WSB1: variants seen among roughly 807,000 people sequenced by gnomAD.
The protein encoded by WSB1 is WD repeat and SOCS box-containing protein 1.
A neutral mutation model predicts 50.2 loss-of-function variants in WSB1; 23 were observed. That is an observed-to-expected ratio of 0.46 (90% CI 0.33 to 0.65). WSB1 has a LOEUF of 0.65. WSB1 is among the 30% of genes least tolerant of loss of function. The probability of loss-of-function intolerance (pLI) is 0.02; values close to 1 mark genes in which losing one functional copy is unlikely to be tolerated. For missense variants in WSB1, 492 were observed against 522.3 expected, an observed-to-expected ratio of 0.94 and a Z score of 0.56; for synonymous variants, 179 against 172.0, an observed-to-expected ratio of 1.04 and a Z score of -0.32.
Position 27,294,182 on chromosome 17 carries a change from G to A in WSB1, c.-214G>A. ...CCGCAGGCGCGAGGCTGGGTACAGG[G>A]TCTATTGTCTGTGGTTGACTCCGTA... On this transcript the variant is annotated 5_prime_UTR_variant, in exon 1 of 9. Coordinates refer to ENST00000262394, the MANE Select transcript of WSB1 (RefSeq NM_015626.10). The A allele has an allele frequency of 3.9e-6, 2 of 517,368 alleles. No individual in the cohort carries two copies. The highest frequency in any genetic ancestry group is 3.3e-5 in the East Asian group (1 of 29,950). The allele number at this position is 517,368 out of a possible 1,614,324, so 32.0% of individuals were successfully genotyped here.
At chr17:27,298,479 G>T (rs2017083190) in intron 1 of WSB1, among the ~76,000 whole-genome samples, 2 of 152,126 alleles carry the variant, frequency 1.3e-5, no homozygotes. Context: ...TCACCGCTTT[G>T]GGAAACCAAG....
At chr17:27,300,233 A>G (rs117358009) in intron 1 of WSB1, among the ~76,000 whole-genome samples, 2,968 of 152,156 alleles carry the variant, frequency 0.02, 51 homozygotes, top group Middle Eastern at 0.061. Context: ...GTGAACAGCA[A>G]TAACATAGAA....
At chr17:27,307,005 A>T in intron 5 of WSB1, 123 bp downstream of exon 5, 1 of 860,204 alleles carries the variant, frequency 1.2e-6, no homozygotes, top group African/African-American at 1.7e-5. Context: ...TAAATGTTTT[A>T]TTTCATGATG....
chr17:27,307,979 T>G (rs1473284033), intron 5 of WSB1: 18 of 1,247,076 alleles, frequency 1.4e-5, no homozygotes, highest in Non-Finnish European at 1.8e-5. Flanking sequence ...TTTAAAGTAA[T>G]TTCCCCCACA....
At chr17:27,295,996 G>A (rs2016956831) in intron 1 of WSB1, among the ~76,000 whole-genome samples, 1 of 151,944 alleles carries the variant, frequency 6.6e-6, no homozygotes, top group South Asian at 2.1e-4. Flanking sequence ...CACACGCCCG[G>A]CTAATTTTTG....
intron 2 of WSB1, 27 bp from the exon 3 acceptor site, chr17:27,303,340 A>G: frequency 1.9e-6 from 3 of 1,609,008 alleles, no homozygotes; most frequent in Non-Finnish European, 2.5e-6. Context: ...TAATAATACA[A>G]TTTCCATCTG....
At chr17:27,311,684 T>A in intron 8 of WSB1, 68 bp downstream of exon 8, 1 of 1,142,186 alleles carries the variant, frequency 8.8e-7, no homozygotes, top group South Asian at 1.6e-5. Flanking sequence ...CAGGCTGGAG[T>A]ACAGTGGTGC....
At chr17:27,306,659 C>T (rs2017473619) in intron 4 of WSB1, 123 bp from the exon 5 acceptor site, 1 of 889,384 alleles carries the variant, frequency 1.1e-6, no homozygotes, top group Non-Finnish European at 1.7e-6. Flanking sequence ...ATCGGTAACC[C>T]TTGTTATAGA....
intron 6 of WSB1, 140 bp downstream of exon 6, chr17:27,309,412 C>CTAAT: frequency 1.3e-6 from 1 of 799,128 alleles, no homozygotes; most frequent in East Asian, 2.7e-5. Flanking sequence ...AAGCCCTTGA[C>CTAAT]TAATGGAAAG....
chr17:27,310,945 A>G (rs2017654727), intron 7 of WSB1, among the ~76,000 whole-genome samples: 2 of 152,106 alleles, frequency 1.3e-5, no homozygotes, highest in East Asian at 3.9e-4. Context: ...TTCTGGGCTC[A>G]GGTGATCCTC....
intron 1 of WSB1, among the ~76,000 whole-genome samples, chr17:27,299,499 A>G (rs1303639152): frequency 6.6e-6 from 1 of 152,250 alleles, no homozygotes; most frequent in Admixed American, 6.5e-5. Flanking sequence ...TGACAGAGCA[A>G]GACCTTGACT....
At chr17:27,296,035 T>C (rs1367974672) in intron 1 of WSB1, among the ~76,000 whole-genome samples, 1 of 152,130 alleles carries the variant, frequency 6.6e-6, no homozygotes, top group Non-Finnish European at 1.5e-5. Context: ...GGTTTCTCCA[T>C]GTTGGTCAGG....
chr17:27,294,735 AG>A (rs2016879259), intron 1 of WSB1, among the ~76,000 whole-genome samples: 1 of 152,208 alleles, frequency 6.6e-6, no homozygotes, highest in Admixed American at 6.5e-5. Flanking sequence ...TTCTTGGCTC[AG>A]GGCATGACTG....
At chr17:27,312,164 A>T in intron 8 of WSB1, 46 bp from the exon 9 acceptor site, 1 of 1,569,502 alleles carries the variant, frequency 6.4e-7, no homozygotes. Flanking sequence ...GCAACACTGA[A>T]ATACATATAC....
intron 1 of WSB1, among the ~76,000 whole-genome samples, chr17:27,298,221 A>G (rs1416641366): frequency 6.6e-6 from 1 of 151,452 alleles, no homozygotes; most frequent in Non-Finnish European, 1.5e-5. Context: ...CATTTACTAG[A>G]TGTTCTTGAA....
In WSB1 at chr17:27,306,806, G is replaced by A; in HGVS notation, c.635G>A (p.Gly212Glu). 9 of 1,614,064 alleles carry A rather than the reference G, an allele frequency of 5.6e-6. No individual in the cohort carries two copies. The highest frequency in any genetic ancestry group is 1.6e-4 in the Middle Eastern group (1 of 6,062). The change falls in exon 5 of 9, where the codon GGG (glycine) becomes GAG (glutamate). Residue 212 changes from glycine (G) to glutamate (E), a missense_variant. Gly to Glu is a moderately conservative substitution (Grantham distance 98). Coordinates refer to ENST00000262394, the MANE Select transcript of WSB1 (RefSeq NM_015626.10). ...GGAAACATGATGAAAGTATTGAGGG[G>A]GCATCAGAATTGGGTGTACAGCTGT... ...DDGNMMKVLR[G>E]HQNWVYSCAF...
intron 1 of WSB1, among the ~76,000 whole-genome samples, 182 bp from the exon 2 acceptor site, chr17:27,301,606 A>T (rs1037008039): frequency 7.9e-5 from 12 of 152,192 alleles, no homozygotes; most frequent in African/African-American, 2.7e-4. Context: ...ACTTGGAGAT[A>T]GTCATTATCG....
intron 1 of WSB1, among the ~76,000 whole-genome samples, chr17:27,295,799 A>G (rs1357096097): frequency 2.0e-5 from 3 of 151,078 alleles, no homozygotes; most frequent in African/African-American, 7.3e-5. Context: ...CTTCATCCTG[A>G]TAAACCATTT....
intron 7 of WSB1, among the ~76,000 whole-genome samples, 160 bp downstream of exon 7, chr17:27,310,334 G>A (rs1199721906): frequency 1.3e-5 from 2 of 152,184 alleles, no homozygotes; most frequent in African/African-American, 4.8e-5. Context: ...ACAATTATCT[G>A]TGTAAACTAA....
Sources: gnomAD v4.1 joint callset for allele counts (sites outside exome capture counted in the v4.1 genomes callset) on GRCh38, gnomAD v4.1.1 for gene constraint, MANE v1.5 for transcripts, NCBI Gene and HGNC (gene_info 2026-07-23, HGNC 2026-07-21) for gene names.